The following PSMD14 variants were observed in gnomAD, a reference collection of about 807,000 sequenced individuals.
PSMD14 encodes proteasome 26S subunit, non-ATPase 14, also known as ubiquitin C-terminal hydrolase PSMD14.
Under a neutral mutation model 41.2 loss-of-function variants are expected in PSMD14, and 7 were observed. That is an observed-to-expected ratio of 0.17 (90% confidence interval 0.10 to 0.32). The LOEUF is 0.32. PSMD14 is among the 10% of genes least tolerant of loss of function. The pLI is 1.00. For missense variants in PSMD14, 139 were observed against 375.6 expected (o/e 0.37, Z 5.21); for synonymous variants, 114 against 122.3 (o/e 0.93, Z 0.45).
At chr2:161,358,157 A>C (rs945772842) in intron 3 of PSMD14, among the ~76,000 whole-genome samples, 1 of 152,150 alleles carries the variant, frequency 6.6e-6, no homozygotes, top group Non-Finnish European at 1.5e-5. Context: ...CACTTTACCC[A>C]GCATTTCCCT....
chr2:161,342,718 C>G (rs933964393), intron 3 of PSMD14, among the ~76,000 whole-genome samples: 5 of 151,610 alleles, frequency 3.3e-5, no homozygotes, highest in African/African-American at 1.2e-4. Flanking sequence ...AAGTTTAAAT[C>G]TTTCATTTTG....
chr2:161,314,308 GTAAC>G (rs945749915), intron 1 of PSMD14, among the ~76,000 whole-genome samples: 5 of 152,160 alleles, frequency 3.3e-5, no homozygotes, highest in African/African-American at 1.2e-4. Context: ...TGTTGAATAA[GTAAC>G]TGAGTAAGAA....
At chr2:161,399,971 C>T (rs939176361) in intron 10 of PSMD14, among the ~76,000 whole-genome samples, 1 of 152,178 alleles carries the variant, frequency 6.6e-6, no homozygotes. Flanking sequence ...GTTATCTTCT[C>T]TCCCTTTTTC....
intron 3 of PSMD14, among the ~76,000 whole-genome samples, chr2:161,358,801 T>G (rs1433630510): frequency 6.6e-6 from 1 of 151,868 alleles, no homozygotes; most frequent in Admixed American, 6.6e-5. Context: ...AAAATACAGG[T>G]GTGGTGGCAT....
At chr2:161,408,378 A>G (rs1394653668) in intron 10 of PSMD14, 2 of 162,380 alleles carry the variant, frequency 1.2e-5, no homozygotes, top group East Asian at 3.4e-4. Flanking sequence ...ACTGATAGTT[A>G]AATAGATACT....
intron 6 of PSMD14, 26 bp from the exon 7 acceptor site, chr2:161,371,146 G>A (rs1683428261): frequency 1.2e-6 from 2 of 1,607,582 alleles, no homozygotes; most frequent in East Asian, 4.5e-5. Flanking sequence ...TCTGTTCTGA[G>A]CATCTGAATG....
chr2:161,398,960 C>G (rs2105269902), intron 10 of PSMD14, among the ~76,000 whole-genome samples: 1 of 152,020 alleles, frequency 6.6e-6, no homozygotes, highest in South Asian at 2.1e-4. Flanking sequence ...AGAGAATAAA[C>G]TTAGAAAACT....
chr2:161,355,898 T>C (rs533699761), intron 3 of PSMD14, among the ~76,000 whole-genome samples: 257 of 152,344 alleles, frequency 1.7e-3, no homozygotes, highest in Non-Finnish European at 3.2e-3. Flanking sequence ...AAACACTATC[T>C]CCTCTATCTT....
chr2:161,338,728 C>T (rs180834025), intron 3 of PSMD14, among the ~76,000 whole-genome samples: 59 of 152,238 alleles, frequency 3.9e-4, no homozygotes, highest in African/African-American at 1.4e-3. Flanking sequence ...TGTATTTACT[C>T]AGGAAACCAT....
At chr2:161,309,186 G>A (rs1288476603) in intron 1 of PSMD14, among the ~76,000 whole-genome samples, 1 of 152,084 alleles carries the variant, frequency 6.6e-6, no homozygotes, top group East Asian at 1.9e-4. Flanking sequence ...AGTAATTGTT[G>A]GTAAATTGAT....
At chr2:161,334,020 C>A (rs1354815510) in intron 3 of PSMD14, among the ~76,000 whole-genome samples, 1 of 148,592 alleles carries the variant, frequency 6.7e-6, no homozygotes, top group African/African-American at 2.5e-5. Context: ...CAGAGCAAGA[C>A]TCCATCTCAA....
chr2:161,319,581 G>A (rs768199314), intron 3 of PSMD14, among the ~76,000 whole-genome samples: 9 of 152,084 alleles, frequency 5.9e-5, no homozygotes, highest in Non-Finnish European at 1.2e-4. Context: ...CAAAAGAAAT[G>A]ACTATGTGTA....
chr2:161,377,250 C>T (rs1683516364), intron 7 of PSMD14, among the ~76,000 whole-genome samples: 1 of 151,866 alleles, frequency 6.6e-6, no homozygotes, highest in Admixed American at 6.6e-5. Flanking sequence ...GTCTAGTTTT[C>T]CAGGTGGAAA....
intron 5 of PSMD14, 109 bp from the exon 6 acceptor site, chr2:161,369,998 T>C: frequency 1.5e-6 from 1 of 685,570 alleles, no homozygotes; most frequent in Non-Finnish European, 2.4e-6. Context: ...GTATCAAATG[T>C]AGGTATCAAA....
chr2:161,343,457 A>C (rs890900049), intron 3 of PSMD14, among the ~76,000 whole-genome samples: 1 of 152,158 alleles, frequency 6.6e-6, no homozygotes, highest in Non-Finnish European at 1.5e-5. Context: ...TTGTCCATTC[A>C]TCTATTGATG....
At chr2:161,405,678 A>C (rs972254921) in intron 10 of PSMD14, among the ~76,000 whole-genome samples, 1 of 152,224 alleles carries the variant, frequency 6.6e-6, no homozygotes, top group Non-Finnish European at 1.5e-5. Context: ...AGTAAAATAC[A>C]TATTTTTGAA....
intron 11 of PSMD14, 127 bp downstream of exon 11, chr2:161,409,026 G>A (rs992944867): frequency 1.7e-5 from 11 of 649,556 alleles, no homozygotes; most frequent in Non-Finnish European, 2.5e-5. Context: ...ATGTAAATGT[G>A]ATACTAATTG....
At position 161,411,361 on chromosome 2, in the gene PSMD14, G is replaced by C. The variant is rs1002607249; in HGVS notation, c.894G>C (p.Gln298His). 6.2e-7 allele frequency: 1 copy of C among 1,610,214 alleles called. No individual in the cohort carries two copies. Among genetic ancestry groups the C allele is most frequent in the Non-Finnish European group, 8.5e-7 (1 of 1,177,966 alleles). Residue 298 changes from glutamine (Q) to histidine (H), a missense_variant, in exon 12 of 12, where the codon CAG becomes CAC. This residue lies in a region of PSMD14 where 80 missense variants were observed against 138.1 expected (regional missense o/e 0.58). Coordinates refer to ENST00000409682, the MANE Select transcript of PSMD14 (RefSeq NM_005805.6). ...VDVLMTSNIV[Q>H]CLAAMLDTVV... ...TACTTATGACCTCAAATATTGTCCA[G>C]TGTTTAGCAGCTATGTTGGATACTG... is the stretch of plus-strand genomic sequence containing the variant.
intron 3 of PSMD14, among the ~76,000 whole-genome samples, chr2:161,341,700 G>T (rs1363473367): frequency 1.3e-5 from 2 of 151,386 alleles, no homozygotes; most frequent in Admixed American, 6.6e-5. Flanking sequence ...TGAGCCGGGC[G>T]TGGTGGCATC....
Sources: gnomAD v4.1 joint callset for allele counts (sites outside exome capture counted in the v4.1 genomes callset) on GRCh38, gnomAD v4.1.1 for gene constraint, gnomAD v4.1.1 regional missense constraint, MANE v1.5 for transcripts, NCBI Gene and HGNC (gene_info 2026-07-23, HGNC 2026-07-21) for gene names.